Variants in SP140 observed in about 807,000 individuals in gnomAD.
The protein encoded by SP140 is SP140 nuclear body protein, also known as nuclear body protein SP140.
A neutral mutation model predicts 125.0 loss-of-function variants in SP140; 81 were observed. That is an observed-to-expected ratio of 0.65 (90% CI 0.54 to 0.78). The LOEUF (loss-of-function observed/expected upper bound fraction) is 0.78, where lower values mean the gene tolerates loss of function less well. Among genes scored for constraint, SP140 ranks in the 30% least tolerant of loss-of-function variants. The pLI is 0.00. For synonymous variants in SP140, 312 were observed against 354.0 expected (o/e 0.88, Z 1.33); for missense variants, 858 against 1,037.0 (o/e 0.83, Z 2.37).
chr2:230,297,613 T>G, intron 22 of SP140, 151 bp downstream of exon 22: 1 of 843,014 alleles, frequency 1.2e-6, no homozygotes, highest in East Asian at 2.6e-5. Context: ...CCAAGCCAGG[T>G]AGATGTGCCT....
exon 2 of SP140, chr2:230,213,733 G>A (rs1427294): frequency 0.91 from 139,601 of 152,632 alleles, 63,984 homozygotes; most frequent in East Asian, 1. Context: ...AAAATCATCA[G>A]GTTGAAGATC....
intron 1 of SP140, among the ~76,000 whole-genome samples, chr2:230,235,958 G>T (rs1348217471): frequency 1.5e-5 from 2 of 137,882 alleles, no homozygotes; most frequent in South Asian, 2.3e-4. Flanking sequence ...CTCACTGCAA[G>T]CTCCGCCTCC....
chr2:230,234,692 C>T (rs981815036), intron 1 of SP140, among the ~76,000 whole-genome samples: 1 of 152,144 alleles, frequency 6.6e-6, no homozygotes, highest in Admixed American at 6.5e-5. Flanking sequence ...GGGAAATTCT[C>T]CCTCCTTTAT....
chr2:230,281,829 T>A (rs1405322460), intron 15 of SP140, among the ~76,000 whole-genome samples: 2 of 152,200 alleles, frequency 1.3e-5, no homozygotes, highest in African/African-American at 4.8e-5. Context: ...TCGAGTTTTT[T>A]AAGTTTTTGC....
upstream of SP140, among the ~76,000 whole-genome samples, chr2:230,224,515 C>CAGAGAG (rs879416639): frequency 4.1e-4 from 58 of 139,974 alleles, no homozygotes; most frequent in Admixed American, 6.3e-4. Context: ...AGAGAGAGGA[C>CAGAGAG]AGAGAGAGAG....
At chr2:230,201,156 A>G (rs558653883), upstream of SP140, among the ~76,000 whole-genome samples, 80 of 152,232 alleles carry the variant, frequency 5.3e-4, 1 homozygote, top group Non-Finnish European at 9.3e-4. Flanking sequence ...TCAGGGGAGG[A>G]GCAGACCGCA....
At chr2:230,269,459 T>C in intron 12 of SP140, 73 bp from the exon 13 acceptor site, 3 of 900,728 alleles carry the variant, frequency 3.3e-6, no homozygotes, top group South Asian at 1.3e-5. Context: ...GTGTGCAGTA[T>C]AGCAGCACTG....
chr2:230,194,924 G>A, the SP140 span, among the ~76,000 whole-genome samples: 1 of 152,140 alleles, frequency 6.6e-6, no homozygotes, highest in Non-Finnish European at 1.5e-5. Context: ...TGGCCTAGGG[G>A]ACAAGGTTGG....
intron 12 of SP140, among the ~76,000 whole-genome samples, chr2:230,262,553 G>GT (rs1369888095): frequency 6.6e-6 from 1 of 151,964 alleles, no homozygotes; most frequent in East Asian, 1.9e-4. Flanking sequence ...TTGTCAGTTT[G>GT]TGCTCTTTCA....
At position 230,229,491 on chromosome 2, in the gene SP140, G is replaced by A. The variant is rs1376169721; in HGVS notation, c.59+3588G>A. Among the ~76,000 whole-genome samples the A allele has an allele frequency of 7.2e-5, 6 of 83,738 alleles. No individual in the cohort carries two copies. In the South Asian group the frequency reaches 2.2e-3, roughly 31 times the overall value. 54.9% of individuals were successfully genotyped at this position (83,738 alleles called of 152,430 possible). ...TTTTTTTTTTTTTTTTTTTTGAGAT[G>A]GAGTCTCACTCTGTTGCCCAGGCTG... On this transcript the variant is annotated intron_variant, in intron 1 of 26. Coordinates refer to ENST00000392045, the MANE Select transcript of SP140 (RefSeq NM_007237.5).
intron 3 of SP140, chr2:230,216,909 C>G (rs202145240): frequency 1.9e-6 from 3 of 1,613,632 alleles, no homozygotes; most frequent in African/African-American, 1.3e-5. Flanking sequence ...TCTTCCATGG[C>G]TCTTGTCATG....
rs754235420 is a variant in SP140 at position 230,244,949 on chromosome 2, A to G, written c.572-39A>G. 9 of 1,418,666 alleles carry G rather than the reference A, an allele frequency of 6.3e-6. No individual in the cohort carries two copies. In the Admixed American group the frequency reaches 1.4e-4, roughly 22 times the overall value. 87.9% of individuals were successfully genotyped at this position (1,418,666 alleles called of 1,614,324 possible). On this transcript the variant is annotated intron_variant, in intron 5 of 26. Transcript: ENST00000392045. ...ACCAGGATTCAGCAGGAGCATCCTGAGGTCTGTGCTCTCATCACTGTGCCT... is the reference window on the plus strand; with the variant it reads ...ACCAGGATTCAGCAGGAGCATCCTGGGGTCTGTGCTCTCATCACTGTGCCT...
chr2:230,284,442 T>G, intron 16 of SP140, 31 bp downstream of exon 16: 1 of 1,575,648 alleles, frequency 6.3e-7, no homozygotes, highest in Non-Finnish European at 8.7e-7. Flanking sequence ...AGTTACAGCT[T>G]TTGAGTTTAT....
At position 230,206,595 on chromosome 2, in the gene SP140, TTATATATATATATATATATATATA is replaced by T. The variant is rs56817002; in HGVS notation, c.-323+3336_-323+3359del. On this transcript the variant is annotated intron_variant, in intron 1 of 4. Transcript: ENST00000456542. Reference sequence around the variant, plus strand: ...TATTATATATTATCTGGTCCAGATTTTATATATATATATATATATATATATATATATATATATATATATGGACCA... The same window carrying T: ...TATTATATATTATCTGGTCCAGATTTTATATATATATATATATATGGACCA... 2.0e-4 allele frequency among the ~76,000 whole-genome samples: 14 copies of T among 70,528 alleles called. No individual in the cohort carries two copies. The East Asian group carries it at 5.6e-3, about 28-fold the overall frequency. The allele number at this position is 70,528 out of a possible 152,430, so 46.3% of individuals were successfully genotyped here. A position where few individuals can be genotyped will look rare whatever the true frequency, so the allele number is the denominator to read the frequency against.
At chr2:230,239,110 G>C in intron 3 of SP140, 1 of 1,210,236 alleles carries the variant, frequency 8.3e-7, no homozygotes, top group Non-Finnish European at 1.1e-6. Context: ...AATGGGATGT[G>C]TTGATTTGTG....
intron 22 of SP140, among the ~76,000 whole-genome samples, chr2:230,298,831 T>G (rs182070726): frequency 6.6e-6 from 1 of 152,326 alleles, no homozygotes; most frequent in African/African-American, 2.4e-5. Context: ...TAGGATTTGT[T>G]TAAGATCCCC....
Position 230,312,646 on chromosome 2 carries a change from G to A in SP140, c.2566G>A (p.Glu856Lys). Residue 856 changes from glutamate (E) to lysine (K), a missense_variant, in exon 27 of 27, where the codon GAA becomes AAA. Glu to Lys is a moderately conservative substitution (Grantham distance 56). Coordinates refer to ENST00000392045, the MANE Select transcript of SP140 (RefSeq NM_007237.5). ...LEAEFEKNFK[E>K]VFAIQETNGN... ...GGCTGAGTTTGAGAAGAATTTCAAG[G>A]AAGTGTTTGCTATTCAGGAAACAAA... The A allele has an allele frequency of 6.2e-7, 1 of 1,613,036 alleles. No homozygotes were observed. The highest frequency in any genetic ancestry group is 8.5e-7 in the Non-Finnish European group (1 of 1,179,262).
intron 22 of SP140, among the ~76,000 whole-genome samples, chr2:230,300,682 C>T (rs750160148): frequency 3.3e-5 from 5 of 152,168 alleles, no homozygotes; most frequent in South Asian, 2.1e-4. Flanking sequence ...TTTCCTCTAA[C>T]GTAGTCTACC....
At chr2:230,242,657 A>C (rs1266619090) in intron 4 of SP140, among the ~76,000 whole-genome samples, 1 of 151,948 alleles carries the variant, frequency 6.6e-6, no homozygotes, top group Non-Finnish European at 1.5e-5. Flanking sequence ...CCTCTGCAGC[A>C]CTCTTTCTCT....
Sources: gnomAD v4.1 joint callset for allele counts (sites outside exome capture counted in the v4.1 genomes callset) on GRCh38, gnomAD v4.1.1 for gene constraint, MANE v1.5 for transcripts, NCBI Gene and HGNC (gene_info 2026-07-23, HGNC 2026-07-21) for gene names.